The following ZFPM2 variants were observed in gnomAD, a reference collection of about 807,000 sequenced individuals.
ZFPM2 encodes the protein zinc finger protein, FOG family member 2.
Under a neutral mutation model 98.6 loss-of-function variants are expected in ZFPM2, and 20 were observed. The ratio of observed to expected loss-of-function variants is 0.20; its 90% CI spans 0.14 to 0.29. The LOEUF (loss-of-function observed/expected upper bound fraction) is 0.29. Among genes scored for constraint, ZFPM2 ranks in the 10% least tolerant of loss-of-function variants. ZFPM2 has a pLI of 1.00. For synonymous variants in ZFPM2, 518 were observed against 502.7 expected (o/e 1.03, Z -0.41); for missense variants, 1,310 against 1,388.6 (o/e 0.94, Z 0.90).
At chr8:105,671,414 CTAA>C (rs1270880925) in intron 5 of ZFPM2, among the ~76,000 whole-genome samples, 9 of 151,700 alleles carry the variant, frequency 5.9e-5, no homozygotes, top group Non-Finnish European at 1.3e-4. Flanking sequence ...TCAATTTAAA[CTAA>C]TAATTATTCT....
intron 5 of ZFPM2, among the ~76,000 whole-genome samples, chr8:105,646,708 G>T (rs1397026246): frequency 6.6e-6 from 1 of 152,106 alleles, no homozygotes; most frequent in East Asian, 1.9e-4. Flanking sequence ...ATCTCAGCAT[G>T]CTTAACTTCT....
At chr8:105,552,564 A>C (rs1471379197) in intron 3 of ZFPM2, among the ~76,000 whole-genome samples, 1 of 152,068 alleles carries the variant, frequency 6.6e-6, no homozygotes, top group Non-Finnish European at 1.5e-5. Flanking sequence ...CCACAGCTCC[A>C]CCTTCTAATG....
At chr8:105,528,677 G>A (rs1814227564) in intron 3 of ZFPM2, among the ~76,000 whole-genome samples, 1 of 152,116 alleles carries the variant, frequency 6.6e-6, no homozygotes, top group African/African-American at 2.4e-5. Flanking sequence ...TTGGGTAAAT[G>A]GAATTCTAAA....
intron 1 of ZFPM2, among the ~76,000 whole-genome samples, chr8:105,352,872 C>G (rs924466957): frequency 3.3e-5 from 5 of 152,040 alleles, no homozygotes; most frequent in Non-Finnish European, 7.4e-5. Flanking sequence ...TACCAGCTAA[C>G]CTACCTACCT....
chr8:105,616,812 G>A (rs1317846132), intron 4 of ZFPM2: 1 of 206,860 alleles, frequency 4.8e-6, no homozygotes, highest in Non-Finnish European at 9.8e-6. Context: ...AGGACCAGGA[G>A]TTTGAGACTG....
chr8:105,770,275 A>G (rs990955840), intron 5 of ZFPM2, among the ~76,000 whole-genome samples: 9 of 152,062 alleles, frequency 5.9e-5, no homozygotes, highest in South Asian at 4.1e-4. Context: ...GGAGTTGACT[A>G]TGTAACACAA....
chr8:105,389,994 A>G lies in ZFPM2; in HGVS notation c.41-29150A>G, dbSNP rs111356958. On this transcript the variant is annotated intron_variant, in intron 1 of 7. Coordinates refer to ENST00000407775, the MANE Select transcript of ZFPM2 (RefSeq NM_012082.4). ...AATTTTTGGTTTAAGTACGTCCCTTATAATATCTGGTATTTATGTATATTA... is the reference window on the plus strand; with the variant it reads ...AATTTTTGGTTTAAGTACGTCCCTTGTAATATCTGGTATTTATGTATATTA... Among the ~76,000 whole-genome samples, 480 of 152,334 alleles carry G rather than the reference A, an allele frequency of 3.2e-3. 6 individuals are homozygous for G. The highest frequency in any genetic ancestry group is 0.011 in the African/African-American group (458 of 41,576).
chr8:105,586,360 G>A (rs191578066), intron 4 of ZFPM2, among the ~76,000 whole-genome samples: 47 of 148,382 alleles, frequency 3.2e-4, no homozygotes, highest in Admixed American at 2.2e-3. Flanking sequence ...CTTTTTTATC[G>A]CTTTCATATT....
At chr8:105,598,108 G>T (rs561806768) in intron 4 of ZFPM2, among the ~76,000 whole-genome samples, 68 of 123,386 alleles carry the variant, frequency 5.5e-4, no homozygotes, top group African/African-American at 1.8e-3. Context: ...GTGTTATTCT[G>T]CAGCATTGGC....
chr8:105,563,061 A>G (rs941905242), intron 4 of ZFPM2, among the ~76,000 whole-genome samples: 5 of 152,204 alleles, frequency 3.3e-5, no homozygotes, highest in Admixed American at 1.3e-4. Context: ...CCTTCTCTCT[A>G]AATGCCATTT....
intron 5 of ZFPM2, among the ~76,000 whole-genome samples, chr8:105,738,326 C>A (rs1188063167): frequency 6.6e-6 from 1 of 151,920 alleles, no homozygotes; most frequent in Non-Finnish European, 1.5e-5. Context: ...CTATTTCCTC[C>A]CATGTTCCTG....
chr8:105,436,080 T>C (rs1277852657), intron 2 of ZFPM2, among the ~76,000 whole-genome samples: 3 of 152,318 alleles, frequency 2.0e-5, no homozygotes, highest in African/African-American at 7.2e-5. Flanking sequence ...AGAACGAAAC[T>C]AAAATCTAAT....
At chr8:105,628,582 G>T (rs1586160715) in intron 4 of ZFPM2, among the ~76,000 whole-genome samples, 1 of 152,154 alleles carries the variant, frequency 6.6e-6, no homozygotes, top group Admixed American at 6.5e-5. Context: ...CCCAGCCTCA[G>T]CTGGTAGACA....
intron 5 of ZFPM2, among the ~76,000 whole-genome samples, chr8:105,752,608 G>A (rs1182699524): frequency 2.0e-5 from 3 of 152,020 alleles, no homozygotes; most frequent in Non-Finnish European, 2.9e-5. Context: ...TATCATAATC[G>A]TATAGAATAA....
chr8:105,460,891 A>G (rs1423170136), intron 3 of ZFPM2, among the ~76,000 whole-genome samples: 1 of 152,028 alleles, frequency 6.6e-6, no homozygotes, highest in Non-Finnish European at 1.5e-5. Context: ...TTTGAAATAA[A>G]TATGAGATTT....
chr8:105,748,155 T>A (rs1190270803), intron 5 of ZFPM2, among the ~76,000 whole-genome samples: 1 of 152,092 alleles, frequency 6.6e-6, no homozygotes, highest in East Asian at 1.9e-4. Context: ...CACACACCTA[T>A]GATAAAAGTT....
intron 5 of ZFPM2, among the ~76,000 whole-genome samples, chr8:105,771,613 T>C (rs183878496): frequency 6.6e-6 from 1 of 152,206 alleles, no homozygotes; most frequent in Admixed American, 6.6e-5. Context: ...TGGCTCTGGT[T>C]TTATCATCAC....
intron 1 of ZFPM2, among the ~76,000 whole-genome samples, chr8:105,404,033 ACAACAACAACAG>A (rs1476004066): frequency 9.9e-5 from 15 of 151,416 alleles, no homozygotes; most frequent in African/African-American, 3.7e-4. Context: ...AACAACAACA[ACAACAACAACAG>A]CAGCATAGAT....
At chr8:105,500,351 A>G (rs1813566200) in intron 3 of ZFPM2, among the ~76,000 whole-genome samples, 1 of 152,198 alleles carries the variant, frequency 6.6e-6, no homozygotes, top group African/African-American at 2.4e-5. Context: ...AATAAACAGA[A>G]TAGTTGAATG....
Sources: gnomAD v4.1 joint callset for allele counts (sites outside exome capture counted in the v4.1 genomes callset) on GRCh38, gnomAD v4.1.1 for gene constraint, MANE v1.5 for transcripts, NCBI Gene and HGNC (gene_info 2026-07-23, HGNC 2026-07-21) for gene names.